The following KLHL32 variants were observed in gnomAD, a reference collection of about 807,000 sequenced individuals.
KLHL32 encodes kelch-like protein 32.
Under a neutral mutation model 64.8 loss-of-function variants are expected in KLHL32, and 35 were observed. That is an observed-to-expected ratio of 0.54 (90% CI 0.41 to 0.72). The LOEUF (loss-of-function observed/expected upper bound fraction) is 0.72, where lower values mean the gene tolerates loss of function less well. KLHL32 is among the 30% of genes least tolerant of loss of function. The pLI is 0.00. For missense variants in KLHL32, 589 were observed against 768.5 expected (o/e 0.77, Z 2.76); for synonymous variants, 259 against 281.0 (o/e 0.92, Z 0.78).
intron 1 of KLHL32, among the ~76,000 whole-genome samples, chr6:96,929,646 A>C (rs1769601435): frequency 3.3e-5 from 5 of 152,202 alleles, no homozygotes; most frequent in Admixed American, 3.3e-4. Context: ...GGAGCTGAGC[A>C]ATGTGAAATG....
intron 3 of KLHL32, among the ~76,000 whole-genome samples, chr6:97,028,167 T>G (rs567870199): frequency 7.2e-4 from 109 of 152,144 alleles, no homozygotes; most frequent in South Asian, 2.3e-3. Context: ...CCTGGGGCTT[T>G]CGTTAAAACT....
chr6:96,954,437 G>C (rs1334691119), intron 1 of KLHL32, among the ~76,000 whole-genome samples: 1 of 151,536 alleles, frequency 6.6e-6, no homozygotes, highest in African/African-American at 2.4e-5. Flanking sequence ...ACATGGGCAG[G>C]CTTGTTATGC....
chr6:97,081,800 A>C (rs1933461), intron 5 of KLHL32, among the ~76,000 whole-genome samples: 136,977 of 152,266 alleles, frequency 0.9, 61,758 homozygotes, highest in East Asian at 1. Flanking sequence ...GACTATATAT[A>C]CCATAAGGCC....
chr6:96,986,202 C>A (rs1298870572), intron 3 of KLHL32, among the ~76,000 whole-genome samples: 2 of 152,154 alleles, frequency 1.3e-5, no homozygotes, highest in African/African-American at 4.8e-5. Context: ...TGGTGAACAG[C>A]AGATGTTGCT....
intron 5 of KLHL32, among the ~76,000 whole-genome samples, chr6:97,074,850 A>C (rs961208560): frequency 6.6e-6 from 1 of 151,124 alleles, no homozygotes; most frequent in Non-Finnish European, 1.5e-5. Context: ...CAGATAAACT[A>C]TTTTCAATTA....
At chr6:96,985,970 T>A (rs562854397) in intron 3 of KLHL32, among the ~76,000 whole-genome samples, 3 of 152,328 alleles carry the variant, frequency 2.0e-5, no homozygotes, top group African/African-American at 7.2e-5. Context: ...GTTTCCAGCT[T>A]CTCTGCTCTG....
chr6:96,965,846 A>G (rs1013594995), intron 1 of KLHL32, among the ~76,000 whole-genome samples: 2 of 152,190 alleles, frequency 1.3e-5, no homozygotes, highest in African/African-American at 4.8e-5. Flanking sequence ...ATGGAAGTAG[A>G]GACATACTAT....
chr6:97,075,314 A>G (rs147313754), intron 5 of KLHL32, among the ~76,000 whole-genome samples: 143 of 152,332 alleles, frequency 9.4e-4, no homozygotes, highest in Admixed American at 8.3e-3. Flanking sequence ...ATATCATTAC[A>G]TACAGTTGTC....
At chr6:96,904,631 A>G in the KLHL32 span, among the ~76,000 whole-genome samples, 1 of 152,206 alleles carries the variant, frequency 6.6e-6, no homozygotes, top group African/African-American at 2.4e-5. Context: ...AGCGTTTTTA[A>G]TGAAGCTCGA....
chr6:97,064,515 A>C (rs1789401783), intron 4 of KLHL32, 113 bp from the exon 5 acceptor site: 2 of 709,306 alleles, frequency 2.8e-6, no homozygotes, highest in Non-Finnish European at 4.8e-6. Flanking sequence ...GTGTTAATTG[A>C]AATAGAGTAC....
chr6:97,039,235 A>G (rs1340398460), intron 3 of KLHL32, among the ~76,000 whole-genome samples: 1 of 152,192 alleles, frequency 6.6e-6, no homozygotes, highest in Non-Finnish European at 1.5e-5. Context: ...CATTTGCAGC[A>G]ATGTGGATGG....
upstream of KLHL32, among the ~76,000 whole-genome samples, chr6:96,921,745 C>A (rs529710268): frequency 7.9e-5 from 12 of 152,292 alleles, no homozygotes; most frequent in Admixed American, 3.3e-4. Flanking sequence ...AGCTAGAAAT[C>A]TGATCTGTGT....
chr6:96,949,393 T>C (rs77303603), intron 1 of KLHL32, among the ~76,000 whole-genome samples: 3,506 of 152,258 alleles, frequency 0.023, 59 homozygotes, highest in Middle Eastern at 0.044. Flanking sequence ...CTTGTTATCA[T>C]TGTTCATTTA....
intron 10 of KLHL32, among the ~76,000 whole-genome samples, chr6:97,137,838 A>C (rs17454159): frequency 0.029 from 4,398 of 152,212 alleles, 96 homozygotes; most frequent in Middle Eastern, 0.041. Flanking sequence ...AGCCTATTGC[A>C]GTTAAAGTCT....
At chr6:97,100,012 G>T (rs1188189503) in intron 6 of KLHL32, among the ~76,000 whole-genome samples, 1 of 152,096 alleles carries the variant, frequency 6.6e-6, no homozygotes, top group Non-Finnish European at 1.5e-5. Flanking sequence ...AGGCGCGGTG[G>T]TGCACACCTG....
chr6:96,903,933 A>T, the KLHL32 span, among the ~76,000 whole-genome samples: 2 of 152,240 alleles, frequency 1.3e-5, no homozygotes, highest in Non-Finnish European at 2.9e-5. Flanking sequence ...TTGCAAAATT[A>T]GCACTTCTGT....
chr6:96,920,284 G>C (rs114866979), upstream of KLHL32, among the ~76,000 whole-genome samples: 1,473 of 152,312 alleles, frequency 9.7e-3, 35 homozygotes, highest in African/African-American at 0.034. Context: ...TGTTGGCACT[G>C]AGTCTTCATT....
At chr6:97,024,886 G>A in intron 3 of KLHL32, 1 of 536,954 alleles carries the variant, frequency 1.9e-6, no homozygotes, top group Non-Finnish European at 2.4e-6. Context: ...AATATATATT[G>A]AAATATCACT....
At chr6:97,116,808 A>G (rs1037249235) in intron 7 of KLHL32, among the ~76,000 whole-genome samples, 1 of 152,152 alleles carries the variant, frequency 6.6e-6, no homozygotes, top group Non-Finnish European at 1.5e-5. Flanking sequence ...AAATCTATCA[A>G]CCTATTACAG....
Sources: allele counts gnomAD v4.1 joint callset (sites outside exome capture counted in the v4.1 genomes callset), GRCh38; gene constraint gnomAD v4.1.1; transcripts MANE v1.5; gene names NCBI Gene and HGNC (gene_info 2026-07-23, HGNC 2026-07-21).